KAT7: variants seen among roughly 807,000 people sequenced by gnomAD.
KAT7 encodes the protein lysine acetyltransferase 7.
KAT7 carries 10 observed loss-of-function variants against 82.1 expected under a neutral mutation model. That is an observed-to-expected ratio of 0.12 (90% CI 0.08 to 0.21). The LOEUF is 0.21. Among genes scored for constraint, KAT7 ranks in the 10% least tolerant of loss-of-function variants. KAT7 has a pLI of 1.00. For synonymous variants in KAT7, 250 were observed against 262.5 expected, an observed-to-expected ratio of 0.95 and a Z score of 0.46; for missense variants, 378 against 760.9, an observed-to-expected ratio of 0.50 and a Z score of 5.92.
At chr17:49,809,490 T>C (rs1427574988) in intron 6 of KAT7, among the ~76,000 whole-genome samples, 1 of 152,216 alleles carries the variant, frequency 6.6e-6, no homozygotes, top group Non-Finnish European at 1.5e-5. Context: ...GCTGCTTCAT[T>C]TCCTCACTTC....
At position 49,821,769 on chromosome 17, in the gene KAT7, C is replaced by T. The variant is rs2074306322; in HGVS notation, c.1365C>T (p.His455=). The T allele has an allele frequency of 3.1e-6, 5 of 1,613,884 alleles. No homozygotes were observed. Among genetic ancestry groups the T allele is most frequent in the South Asian group, 2.2e-5 (2 of 91,078 alleles). Residue 455 remains histidine (H), a synonymous_variant, in exon 11 of 15, where the codon CAC becomes CAT. Coordinates refer to ENST00000259021, the MANE Select transcript of KAT7 (RefSeq NM_007067.5). Reference sequence around the variant, plus strand: ...CAGAGGCGGACAACACTGGCTGTCACCTGATTGGATATTTTTCTAAGGTAA... The same window carrying T: ...CAGAGGCGGACAACACTGGCTGTCATCTGATTGGATATTTTTCTAAGGTAA... ...VMTEADNTGC[H]LIGYFSKEKN...
At chr17:49,825,899 G>C (rs1046265946) in intron 12 of KAT7, 101 bp from the exon 13 acceptor site, 3 of 1,196,574 alleles carry the variant, frequency 2.5e-6, no homozygotes, top group African/African-American at 1.5e-5. Context: ...TAATGGAGTG[G>C]ACTGTGCTTC....
rs773246402 is a variant in KAT7, at chr17:49,817,783, T to G, written c.964-37T>G. On this transcript the variant is annotated intron_variant, in intron 8 of 14. Coordinates refer to ENST00000259021, the MANE Select transcript of KAT7 (RefSeq NM_007067.5). ...CTGTCTAAAAGCAAAGATAATAAAT[T>G]CTGATCCTCCTTTGACTTTTGATTT... 11 of 1,558,810 alleles carry G rather than the reference T, an allele frequency of 7.1e-6. No individual in the cohort carries two copies. In the East Asian group the frequency reaches 2.5e-4, roughly 35 times the overall value.
In KAT7 at chr17:49,826,182, C is replaced by G. The variant is rs772489995; in HGVS notation, c.1627+36C>G. The G allele has an allele frequency of 5.0e-6, 8 of 1,597,884 alleles. No homozygotes were observed. In the African/African-American group the frequency reaches 9.4e-5, roughly 19 times the overall value. ...GACTCCTTGGAATGGTTGATTGTTA[C>G]CCAAGAAGTTAACTCTACTGGGTAT... On this transcript the variant is annotated intron_variant, in intron 13 of 14. Transcript: ENST00000259021.
At chr17:49,816,590 TA>T (rs1042892470) in intron 8 of KAT7, among the ~76,000 whole-genome samples, 13 of 151,596 alleles carry the variant, frequency 8.6e-5, no homozygotes, top group East Asian at 7.7e-4. Context: ...CCCCTTGTAT[TA>T]AAAAAAAATT....
At chr17:49,822,365 T>C (rs1458987613) in intron 11 of KAT7, among the ~76,000 whole-genome samples, 1 of 151,918 alleles carries the variant, frequency 6.6e-6, no homozygotes, top group Admixed American at 6.6e-5. Flanking sequence ...GTAGCTGGGA[T>C]AACAGGCGCC....
At chr17:49,807,582 C>G (rs2074107117) in intron 5 of KAT7, among the ~76,000 whole-genome samples, 1 of 152,098 alleles carries the variant, frequency 6.6e-6, no homozygotes, top group African/African-American at 2.4e-5. Flanking sequence ...GGGGCTTTAA[C>G]AAAGGCATGA....
At chr17:49,796,372 A>G (rs1299382289) in intron 2 of KAT7, among the ~76,000 whole-genome samples, 1 of 152,238 alleles carries the variant, frequency 6.6e-6, no homozygotes, top group Non-Finnish European at 1.5e-5. Flanking sequence ...CTTCACATGC[A>G]TTATCTCACC....
chr17:49,826,667 G>C, intron 13 of KAT7, 26 bp from the exon 14 acceptor site: 1 of 1,551,366 alleles, frequency 6.4e-7, no homozygotes, highest in Non-Finnish European at 8.9e-7. Flanking sequence ...ACTTTGGCCA[G>C]GTTGTCAGTA....
chr17:49,793,419 G>A lies in KAT7; in HGVS notation c.163+1386G>A, dbSNP rs549449157. Among the ~76,000 whole-genome samples, 4 of 152,204 alleles carry A rather than the reference G, an allele frequency of 2.6e-5. No individual in the cohort carries two copies. In the East Asian group the frequency reaches 7.7e-4, roughly 29 times the overall value. ...TAGGCATCTGGGGTTAGATTTGGAG[G>A]GTACCCTTGACCCTCCTGGCTCTGC... On this transcript the variant is annotated intron_variant, in intron 2 of 14. Transcript: ENST00000259021.
rs903486837 is a variant in KAT7, at chr17:49,832,551, A to G, written c.*5049A>G. 2 of 152,234 alleles carry G rather than the reference A, an allele frequency of 1.3e-5. No individual in the cohort carries two copies. Among genetic ancestry groups the G allele is most frequent in the East Asian group, 1.9e-4 (1 of 5,202 alleles). 9.4% of individuals were successfully genotyped at this position (152,234 alleles called of 1,614,324 possible). A position where few individuals can be genotyped will look rare whatever the true frequency, so the allele number is the denominator to read the frequency against. ...GTGCCGTTGAAGTCCATTCTTGGAC[A>G]TGGAGTTAAGAAACCCTGGTTTGAG... On this transcript the variant is annotated 3_prime_UTR_variant, in exon 15 of 15. Coordinates refer to ENST00000259021, the MANE Select transcript of KAT7 (RefSeq NM_007067.5).
intron 14 of KAT7, chr17:49,827,184 C>T (rs1003225770): frequency 4.2e-5 from 23 of 549,148 alleles, no homozygotes; most frequent in Middle Eastern, 2.9e-4. Flanking sequence ...CAATAAAGGT[C>T]GGTGAGCGAT....
chr17:49,798,182 G>A lies in KAT7; in HGVS notation c.341-137G>A. 3 of 705,330 alleles carry A rather than the reference G, an allele frequency of 4.3e-6. No homozygotes were observed. In the East Asian group the frequency reaches 8.1e-5, roughly 19 times the overall value. The allele number at this position is 705,330 out of a possible 1,614,324, so 43.7% of individuals were successfully genotyped here. ...GAAGTGCCTCTTCATTTTCCATTTA[G>A]CCATCTAGCAGATGAATAGCTGAAA... On this transcript the variant is annotated intron_variant, in intron 3 of 14. Transcript: ENST00000259021.
At chr17:49,824,264 G>A (rs2074340691) in intron 12 of KAT7, among the ~76,000 whole-genome samples, 1 of 152,178 alleles carries the variant, frequency 6.6e-6, no homozygotes. Flanking sequence ...AGACTCTACT[G>A]TGTGTTATTC....
At chr17:49,827,070 A>C in intron 14 of KAT7, 1 of 439,248 alleles carries the variant, frequency 2.3e-6, no homozygotes, top group Non-Finnish European at 4.1e-6. Flanking sequence ...CTGTCATTTG[A>C]TGTTTTTCTT....
At chr17:49,820,109 TTAAC>T (rs1054019370) in intron 9 of KAT7, among the ~76,000 whole-genome samples, 1 of 152,118 alleles carries the variant, frequency 6.6e-6, no homozygotes, top group Non-Finnish European at 1.5e-5. Context: ...TTTTGAAAAA[TTAAC>T]TAACCAGGCA....
At chr17:49,812,755 G>GT (rs1335083534) in intron 7 of KAT7, among the ~76,000 whole-genome samples, 3 of 152,066 alleles carry the variant, frequency 2.0e-5, no homozygotes, top group Non-Finnish European at 2.9e-5. Flanking sequence ...GGAGGCTGGA[G>GT]TGCAGTGGTG....
intron 7 of KAT7, chr17:49,814,920 A>T (rs1427798550): frequency 6.6e-6 from 1 of 152,204 alleles, no homozygotes; most frequent in African/African-American, 2.4e-5. Flanking sequence ...TCCTGAGATA[A>T]GCCATCCACT....
At chr17:49,790,277 A>G (rs1598046332) in intron 1 of KAT7, among the ~76,000 whole-genome samples, 1 of 151,866 alleles carries the variant, frequency 6.6e-6, no homozygotes, top group South Asian at 2.1e-4. Context: ...GCTCACTGCA[A>G]CCTCCGCCTC....
Sources: gnomAD v4.1 joint callset for allele counts (sites outside exome capture counted in the v4.1 genomes callset) on GRCh38, gnomAD v4.1.1 for gene constraint, MANE v1.5 for transcripts, NCBI Gene and HGNC (gene_info 2026-07-23, HGNC 2026-07-21) for gene names.